Variants in DPY19L2 observed in about 807,000 individuals in gnomAD.
DPY19L2 encodes the protein dpy-19 like 2, also known as probable C-mannosyltransferase DPY19L2.
DPY19L2 carries 34 observed loss-of-function variants against 97.9 expected under a neutral mutation model. That is an observed-to-expected ratio of 0.35 (90% CI 0.26 to 0.46). DPY19L2 has a LOEUF of 0.46. Among genes scored for constraint, DPY19L2 ranks in the 20% least tolerant of loss-of-function variants. The pLI is 1.00. For synonymous variants in DPY19L2, 230 were observed against 307.9 expected (o/e 0.75, Z 2.65); for missense variants, 623 against 911.4 (o/e 0.68, Z 4.07).
intron 6 of DPY19L2, among the ~76,000 whole-genome samples, chr12:63,635,353 A>G (rs1270051718): frequency 6.6e-6 from 1 of 152,146 alleles, no homozygotes; most frequent in East Asian, 1.9e-4. Context: ...AAAAAGCTGA[A>G]AATTCTAAAA....
chr12:63,573,435 CT>C (rs1879256795), intron 19 of DPY19L2, among the ~76,000 whole-genome samples: 1 of 151,812 alleles, frequency 6.6e-6, no homozygotes, highest in Non-Finnish European at 1.5e-5. Flanking sequence ...ATGAAGCATA[CT>C]TTCGAGATCT....
At chr12:63,644,901 T>C (rs1485556842) in intron 5 of DPY19L2, among the ~76,000 whole-genome samples, 1 of 152,136 alleles carries the variant, frequency 6.6e-6, no homozygotes. Context: ...TGGAACTGTC[T>C]GTAGAACCAC....
intron 2 of DPY19L2, among the ~76,000 whole-genome samples, chr12:63,665,488 G>T (rs1328686247): frequency 6.8e-6 from 1 of 146,548 alleles, no homozygotes; most frequent in Admixed American, 6.9e-5. Flanking sequence ...AAAAAAAAAA[G>T]TTATTTCACT....
chr12:63,663,826 A>G lies in DPY19L2; in HGVS notation c.382T>C (p.Phe128Leu), dbSNP rs1453621619. The G allele has an allele frequency of 3.7e-6, 6 of 1,605,310 alleles. No individual in the cohort carries two copies. Among genetic ancestry groups the G allele is most frequent in the Non-Finnish European group, 3.4e-6 (4 of 1,177,396 alleles). The change falls in exon 3 of 22, where the codon TTT (phenylalanine) becomes CTT (leucine). Residue 128 changes from phenylalanine to leucine, a missense_variant. Coordinates refer to ENST00000324472, the MANE Select transcript of DPY19L2 (RefSeq NM_173812.5). ...TGAGAGAAATGACGATCATTTTCAAAAAGTGTTACTAAATGTAACCTAGAA... is the reference window on the plus strand; with the variant it reads ...TGAGAGAAATGACGATCATTTTCAAGAAGTGTTACTAAATGTAACCTAGAA... ...ILHWLHLVTL[F>L]ENDRHFSHLS...
rs1878725019 is a variant in DPY19L2, at chr12:63,570,950, A to G, written c.1901-93T>C. On this transcript the variant is annotated intron_variant, in intron 19 of 21. Coordinates refer to ENST00000324472, the MANE Select transcript of DPY19L2 (RefSeq NM_173812.5). ...TCTAATATGTGAACCCAAATTAAGA[A>G]GGATGATGCCTATTTACATGACCAT... The G allele has an allele frequency of 7.0e-6, 9 of 1,282,982 alleles. No individual in the cohort carries two copies. In the South Asian group the frequency reaches 1.3e-4, roughly 19 times the overall value. The allele number at this position is 1,282,982 out of a possible 1,614,324, so 79.5% of individuals were successfully genotyped here.
chr12:63,600,568 G>A (rs1884970914), intron 12 of DPY19L2, among the ~76,000 whole-genome samples, 182 bp from the exon 13 acceptor site: 2 of 147,876 alleles, frequency 1.4e-5, no homozygotes, highest in Admixed American at 6.7e-5. Context: ...GATGACACTG[G>A]TATAAAATAT....
At chr12:63,625,838 A>G (rs1889437669) in intron 7 of DPY19L2, among the ~76,000 whole-genome samples, 1 of 151,816 alleles carries the variant, frequency 6.6e-6, no homozygotes, top group Non-Finnish European at 1.5e-5. Context: ...TCTGCTATAC[A>G]ACATTGTGTT....
chr12:63,562,640 C>T (rs9669503), intron 21 of DPY19L2, among the ~76,000 whole-genome samples: 7,423 of 152,038 alleles, frequency 0.049, 528 homozygotes, highest in African/African-American at 0.17. Context: ...GTTCTAAATC[C>T]TCCATAGTGT....
chr12:63,652,057 G>A (rs1379942720), intron 4 of DPY19L2: 1 of 169,376 alleles, frequency 5.9e-6, no homozygotes, highest in East Asian at 1.6e-4. Flanking sequence ...ACATCATGCA[G>A]GCCCCACCTG....
intron 5 of DPY19L2, among the ~76,000 whole-genome samples, chr12:63,646,397 G>T (rs1303572817): frequency 6.6e-6 from 1 of 151,940 alleles, no homozygotes; most frequent in East Asian, 1.9e-4. Context: ...AAGTATAATT[G>T]CCCCTCAAAC....
chr12:63,662,163 A>G (rs1210625343), intron 3 of DPY19L2, among the ~76,000 whole-genome samples: 2 of 152,172 alleles, frequency 1.3e-5, no homozygotes, highest in Non-Finnish European at 2.9e-5. Context: ...ACAACAGCAT[A>G]TTGTGTCTAG....
At chr12:63,631,887 C>T (rs1347423859) in intron 6 of DPY19L2, among the ~76,000 whole-genome samples, 1 of 152,106 alleles carries the variant, frequency 6.6e-6, no homozygotes, top group Non-Finnish European at 1.5e-5. Context: ...GGCTTCATCC[C>T]TGGGATGCAA....
At chr12:63,575,617 T>C (rs1879677137) in intron 19 of DPY19L2, among the ~76,000 whole-genome samples, 1 of 151,782 alleles carries the variant, frequency 6.6e-6, no homozygotes, top group African/African-American at 2.4e-5. Context: ...AAGGAGACAT[T>C]ATAACCAATA....
At chr12:63,606,652 G>A (rs1448704249) in intron 12 of DPY19L2, among the ~76,000 whole-genome samples, 1 of 152,076 alleles carries the variant, frequency 6.6e-6, no homozygotes, top group African/African-American at 2.4e-5. Flanking sequence ...ACTTTTGTGT[G>A]TAAGGAATGT....
chr12:63,657,161 T>C (rs1439495988), intron 4 of DPY19L2, among the ~76,000 whole-genome samples: 1 of 152,186 alleles, frequency 6.6e-6, no homozygotes, highest in Non-Finnish European at 1.5e-5. Context: ...AGAACATCTT[T>C]CTTACCGTTA....
chr12:63,646,513 A>G lies in DPY19L2; in HGVS notation c.709+732T>C, dbSNP rs568570857. Among the ~76,000 whole-genome samples, 4 of 152,292 alleles carry G rather than the reference A, an allele frequency of 2.6e-5. No homozygotes were observed. In the East Asian group the frequency reaches 7.7e-4, roughly 29 times the overall value. On this transcript the variant is annotated intron_variant, in intron 5 of 21. Coordinates refer to ENST00000324472, the MANE Select transcript of DPY19L2 (RefSeq NM_173812.5). ...AATGTTGTTACAAACAAGTCTAAAA[A>G]TTTATTCATAAAATATAGTAAGTCA...
At chr12:63,659,788 A>G (rs986115627) in intron 4 of DPY19L2, among the ~76,000 whole-genome samples, 3 of 152,124 alleles carry the variant, frequency 2.0e-5, no homozygotes, top group African/African-American at 7.2e-5. Flanking sequence ...GTGGTGATGG[A>G]TATATAGCTT....
chr12:63,584,487 G>A (rs888078896), intron 16 of DPY19L2, among the ~76,000 whole-genome samples: 31 of 152,194 alleles, frequency 2.0e-4, no homozygotes, highest in Non-Finnish European at 1.0e-4. Context: ...AACATTAAAC[G>A]AAAAGTTCCA....
chr12:63,662,596 T>A (rs1895821806), intron 3 of DPY19L2, among the ~76,000 whole-genome samples: 1 of 152,140 alleles, frequency 6.6e-6, no homozygotes, highest in Admixed American at 6.5e-5. Flanking sequence ...CCCTCTAAGG[T>A]TGGCATTATT....
Sources: allele counts gnomAD v4.1 joint callset (sites outside exome capture counted in the v4.1 genomes callset), GRCh38; gene constraint gnomAD v4.1.1; transcripts MANE v1.5; gene names NCBI Gene and HGNC (gene_info 2026-07-23, HGNC 2026-07-21).